Variants in DCTPP1 observed in about 807,000 individuals in gnomAD.
DCTPP1 encodes the protein dCTP pyrophosphatase 1.
DCTPP1 carries 8 observed loss-of-function variants against 8.8 expected under a neutral mutation model. The observed-to-expected ratio is 0.91, with a 90% CI of 0.54 to 1.64. The LOEUF is 1.64. DCTPP1 is among the 40% of genes most tolerant of loss of function. DCTPP1 has a pLI of 0.00. For synonymous variants in DCTPP1, 85 were observed against 92.1 expected, an observed-to-expected ratio of 0.92 and a Z score of 0.44; for missense variants, 231 against 230.4, an observed-to-expected ratio of 1.00 and a Z score of -0.02.
chr16:30,426,497 A>C (rs2050193981), intron 2 of DCTPP1, among the ~76,000 whole-genome samples: 1 of 137,660 alleles, frequency 7.3e-6, no homozygotes, highest in African/African-American at 2.7e-5. Context: ...TTTTTGAGAC[A>C]GAGTCTTGCT....
chr16:30,429,919 C>T lies in DCTPP1; in HGVS notation c.62G>A (p.Gly21Asp). The T allele has an allele frequency of 6.3e-7, 1 of 1,594,744 alleles. No individual in the cohort carries two copies. The highest frequency in any genetic ancestry group is 8.5e-7 in the Non-Finnish European group (1 of 1,171,440). Residue 21 changes from glycine to aspartate, a missense_variant, in exon 1 of 3, where the codon GGC (glycine) becomes GAC (aspartate). Transcript: ENST00000319285. Reference protein sequence around the residue: ...DTGGEDTAAPGRFSFSPEPTL... With the variant: ...DTGGEDTAAPDRFSFSPEPTL... The stretch of plus-strand genomic sequence containing the variant: ...GGGCTCCGGGCTGAAGCTGAACCGG[C>T]CGGGAGCAGCAGTGTCCTCTCCCCC...
In DCTPP1 at chr16:30,424,199, AC is replaced by A; in HGVS notation, c.*33del. 2 of 1,606,252 alleles carry A rather than the reference AC, an allele frequency of 1.2e-6. No individual in the cohort carries two copies. The highest frequency in any genetic ancestry group is 1.7e-6 in the Non-Finnish European group (2 of 1,175,026). ...CCAGGCCACTCTCTGCTCTTCAGAC[AC>A]CACCCTGAGTTGCAAGTCCTGTGGC... On this transcript the variant is annotated 3_prime_UTR_variant, in exon 3 of 3. Transcript: ENST00000319285.
chr16:30,427,200 C>T (rs1481168905), intron 2 of DCTPP1, among the ~76,000 whole-genome samples: 15 of 147,416 alleles, frequency 1.0e-4, no homozygotes, highest in Admixed American at 4.1e-4. Context: ...TTAGTAGAGA[C>T]GGGGTTTCAC....
At chr16:30,429,459 G>C (rs928957765) in intron 1 of DCTPP1, 3 of 413,214 alleles carry the variant, frequency 7.3e-6, no homozygotes, top group Non-Finnish European at 8.6e-6. Context: ...TGGAATCGCC[G>C]CACATCAAAA....
Position 30,423,977 on chromosome 16 carries a change from C to T in DCTPP1, c.*256G>A. ...ATGGGTCTCAGAGGCACCCCTGGTA[C>T]CCCCGTCATCACCTGCTGAGACAGA... On this transcript the variant is annotated 3_prime_UTR_variant, in exon 3 of 3. Transcript: ENST00000319285. 2.0e-6 allele frequency: 1 copy of T among 495,532 alleles called. No individual in the cohort carries two copies. The highest frequency in any genetic ancestry group is 3.5e-5 in the East Asian group (1 of 28,232). 30.7% of individuals were successfully genotyped at this position (495,532 alleles called of 1,614,324 possible). A position where few individuals can be genotyped will look rare whatever the true frequency, so the allele number is the denominator to read the frequency against.
chr16:30,426,481 T>TG (rs1293260966), intron 2 of DCTPP1, among the ~76,000 whole-genome samples: 3 of 149,162 alleles, frequency 2.0e-5, no homozygotes, highest in African/African-American at 7.4e-5. Flanking sequence ...GGCCGGTTTT[T>TG]TTTTTTTTTT....
At chr16:30,428,186 A>G (rs896177792) in intron 2 of DCTPP1, among the ~76,000 whole-genome samples, 1 of 152,006 alleles carries the variant, frequency 6.6e-6, no homozygotes. Flanking sequence ...AGCCCTAATC[A>G]TATCTTTGTG....
Position 30,424,145 on chromosome 16 carries a change from T to C in DCTPP1, c.*88A>G, listed in dbSNP as rs13337501. ...TGGAGGCCTCAGGCCCATGATCTAT[T>C]CTGAAAAGACTAGAAAAAGGCTCCA... On this transcript the variant is annotated 3_prime_UTR_variant, in exon 3 of 3. Transcript: ENST00000319285. 313 of 1,485,944 alleles carry C rather than the reference T, an allele frequency of 2.1e-4. 5 individuals carry two copies. The East Asian group carries it at 3.9e-3, about 19-fold the overall frequency. The allele number at this position is 1,485,944 out of a possible 1,614,324, so 92.0% of individuals were successfully genotyped here.
Position 30,429,960 on chromosome 16 carries a change from C to T in DCTPP1, c.21G>A (p.Glu7=), listed in dbSNP as rs1312409278. Residue 7 remains glutamate (E), a synonymous_variant, in exon 1 of 3, where the codon GAG becomes GAA. Coordinates refer to ENST00000319285, the MANE Select transcript of DCTPP1 (RefSeq NM_024096.2). The stretch of plus-strand genomic sequence containing the variant: ...CCTCTCCCCCCGTGTCCCCACGAAT[C>T]TCCCCACCGGCCACAGACATGCCGC... MSVAGG[E]IRGDTGGEDT... is the part of the protein sequence containing the mutation. The T allele has an allele frequency of 6.3e-7, 1 of 1,578,526 alleles. No individual in the cohort carries two copies. The highest frequency in any genetic ancestry group is 1.4e-5 in the African/African-American group (1 of 72,130).
chr16:30,429,014 C>T (rs2050209354), intron 2 of DCTPP1, 43 bp downstream of exon 2: 1 of 1,556,178 alleles, frequency 6.4e-7, no homozygotes, highest in African/African-American at 1.4e-5. Context: ...CCCTCCCCTC[C>T]CCCACAACTC....
intron 1 of DCTPP1, 73 bp downstream of exon 1, chr16:30,429,807 G>C: frequency 6.9e-7 from 1 of 1,457,346 alleles, no homozygotes; most frequent in Non-Finnish European, 9.3e-7. Flanking sequence ...TCCCGACCAC[G>C]TGGAGGAACC....
At chr16:30,429,847 T>C (rs1294436267) in intron 1 of DCTPP1, 33 bp downstream of exon 1, 28 of 1,573,552 alleles carry the variant, frequency 1.8e-5, no homozygotes, top group South Asian at 5.7e-5. Context: ...AAGGGGCGAC[T>C]TCCCCACCCC....
At chr16:30,426,691 TTTTTGTTTTG>T (rs902709301) in intron 2 of DCTPP1, among the ~76,000 whole-genome samples, 1 of 151,450 alleles carries the variant, frequency 6.6e-6, no homozygotes, top group African/African-American at 2.4e-5. Flanking sequence ...AGGCTGGTCT[TTTTTGTTTTG>T]TTTTGTTTTG....
intron 2 of DCTPP1, among the ~76,000 whole-genome samples, chr16:30,427,922 G>A (rs985335622): frequency 6.6e-6 from 1 of 152,172 alleles, no homozygotes; most frequent in Non-Finnish European, 1.5e-5. Context: ...GATCGTTTGA[G>A]CTCCTGAGGC....
chr16:30,424,391 G>A lies in DCTPP1; in HGVS notation c.355C>T (p.Leu119Phe). ...CGCCGGTTGATGTCCATTTTGGAGAGCACTGCTAGCGGCAGATCCACACGG... is the reference window on the plus strand; with the variant it reads ...CGCCGGTTGATGTCCATTTTGGAGAACACTGCTAGCGGCAGATCCACACGG... ...RCRVDLPLAVLSKMDINRRRY... is the reference protein window; with the variant it reads ...RCRVDLPLAVFSKMDINRRRY... Residue 119 changes from leucine to phenylalanine, a missense_variant, in exon 3 of 3, where the codon CTC becomes TTC. Physicochemically the swap from Leu to Phe is conservative, Grantham distance 22 (BLOSUM62 0). Transcript: ENST00000319285. 6.2e-7 allele frequency: 1 copy of A among 1,614,114 alleles called. No homozygotes were observed. The highest frequency in any genetic ancestry group is 8.5e-7 in the Non-Finnish European group (1 of 1,180,012).
rs2050215294 is a variant in DCTPP1, at chr16:30,429,918, G to T, written c.63C>A (p.Gly21=). ...DTGGEDTAAP[G]RFSFSPEPTL... ...TGGGCTCCGGGCTGAAGCTGAACCG[G>T]CCGGGAGCAGCAGTGTCCTCTCCCC... is the stretch of plus-strand genomic sequence containing the variant. The change falls in exon 1 of 3, where the codon GGC becomes GGA. Residue 21 remains glycine (G), a synonymous_variant. Transcript: ENST00000319285. The T allele has an allele frequency of 1.9e-6, 3 of 1,594,010 alleles. No homozygotes were observed. Among genetic ancestry groups the T allele is most frequent in the African/African-American group, 1.4e-5 (1 of 72,882 alleles).
At chr16:30,427,839 T>A (rs1347169100) in intron 2 of DCTPP1, among the ~76,000 whole-genome samples, 2 of 151,890 alleles carry the variant, frequency 1.3e-5, no homozygotes, top group African/African-American at 2.4e-5. Context: ...CTACAAAAAG[T>A]AAAAATAAAT....
intron 2 of DCTPP1, 127 bp from the exon 3 acceptor site, chr16:30,424,660 G>T: frequency 8.0e-7 from 1 of 1,242,922 alleles, no homozygotes; most frequent in Non-Finnish European, 1.1e-6. Context: ...GGAAGAGTCA[G>T]GTGGGGAAGA....
At chr16:30,427,693 G>C (rs1269005289) in intron 2 of DCTPP1, among the ~76,000 whole-genome samples, 1 of 152,180 alleles carries the variant, frequency 6.6e-6, no homozygotes. Flanking sequence ...CATAGGTGAT[G>C]TTCATAAATC....
Sources: gnomAD v4.1 joint callset for allele counts (sites outside exome capture counted in the v4.1 genomes callset) on GRCh38, gnomAD v4.1.1 for gene constraint, MANE v1.5 for transcripts, NCBI Gene and HGNC (gene_info 2026-07-23, HGNC 2026-07-21) for gene names.